Variants in COL11A1 observed in about 807,000 individuals in gnomAD.
COL11A1 encodes collagen alpha-1(XI) chain.
COL11A1 carries 74 observed loss-of-function variants against 265.2 expected under a neutral mutation model. The ratio of observed to expected loss-of-function variants is 0.28; its 90% CI spans 0.23 to 0.34. The LOEUF (loss-of-function observed/expected upper bound fraction) is 0.34, where lower values mean the gene tolerates loss of function less well. COL11A1 is among the 10% of genes least tolerant of loss of function. The probability of loss-of-function intolerance (pLI) is 1.00; values close to 1 mark genes in which losing one functional copy is unlikely to be tolerated. For missense variants in COL11A1, 2,165 were observed against 2,263.6 expected (o/e 0.96, Z 0.88); for synonymous variants, 816 against 727.6 (o/e 1.12, Z -1.96).
intron 1 of COL11A1, among the ~76,000 whole-genome samples, chr1:103,092,643 G>A (rs2102375880): frequency 6.6e-6 from 1 of 152,226 alleles, no homozygotes; most frequent in African/African-American, 2.4e-5. Flanking sequence ...GAACCCAAAT[G>A]TGGCAAGTAT....
intron 4 of COL11A1, among the ~76,000 whole-genome samples, chr1:103,056,267 T>A (rs1670239312): frequency 6.6e-6 from 1 of 152,120 alleles, no homozygotes; most frequent in Non-Finnish European, 1.5e-5. Flanking sequence ...AATTTTTGTA[T>A]GAACCATAAA....
At chr1:102,996,787 A>C (rs1285596876) in intron 26 of COL11A1, among the ~76,000 whole-genome samples, 3 of 151,940 alleles carry the variant, frequency 2.0e-5, no homozygotes, top group South Asian at 2.1e-4. Flanking sequence ...GCAGTTCAGT[A>C]ATATTGAGTA....
At chr1:103,060,338 G>A (rs1195236086) in intron 4 of COL11A1, among the ~76,000 whole-genome samples, 1 of 152,034 alleles carries the variant, frequency 6.6e-6, no homozygotes, top group African/African-American at 2.4e-5. Context: ...GGCCTGCCTT[G>A]CAAGCAATGT....
intron 53 of COL11A1, among the ~76,000 whole-genome samples, chr1:102,913,170 A>G (rs1189506674): frequency 6.6e-6 from 1 of 152,124 alleles, no homozygotes; most frequent in Non-Finnish European, 1.5e-5. Context: ...CTCCCTAAAT[A>G]ACTAAATGTG....
intron 46 of COL11A1, among the ~76,000 whole-genome samples, chr1:102,934,183 A>G (rs1348226918): frequency 6.6e-6 from 1 of 152,214 alleles, no homozygotes; most frequent in African/African-American, 2.4e-5. Context: ...GGAGTGAAGA[A>G]AGGAAGTGTA....
intron 4 of COL11A1, among the ~76,000 whole-genome samples, chr1:103,066,885 T>G (rs1313253093): frequency 6.6e-6 from 1 of 151,174 alleles, no homozygotes; most frequent in East Asian, 1.9e-4. Flanking sequence ...AGAAAAGGAG[T>G]GGCCATTCTA....
intron 46 of COL11A1, among the ~76,000 whole-genome samples, chr1:102,927,233 T>C (rs1656697570): frequency 6.6e-6 from 1 of 152,178 alleles, no homozygotes; most frequent in African/African-American, 2.4e-5. Flanking sequence ...GATGACTTAA[T>C]TTACCATTTC....
intron 4 of COL11A1, among the ~76,000 whole-genome samples, chr1:103,069,822 A>G (rs1436824481): frequency 6.6e-6 from 1 of 151,872 alleles, no homozygotes; most frequent in African/African-American, 2.4e-5. Flanking sequence ...TCATCAGTCA[A>G]GGGAGAAGCG....
At chr1:102,940,514 G>C (rs1347870887) in intron 42 of COL11A1, 80 bp from the exon 43 acceptor site, 2 of 1,008,964 alleles carry the variant, frequency 2.0e-6, no homozygotes, top group African/African-American at 1.6e-5. Context: ...TTCTATATTT[G>C]ACAAGGATAT....
At position 102,998,564 on chromosome 1, in the gene COL11A1, G is replaced by C. The variant is rs371675524; in HGVS notation, c.2143-201C>G. On this transcript the variant is annotated intron_variant, in intron 24 of 66. Transcript: ENST00000370096. ...TAAAACTAAATTTAACATGTCAAAG[G>C]TATGCTAGGTTTTAGCCTGCTTATA... is the stretch of plus-strand genomic sequence containing the variant. 2.6e-5 allele frequency among the ~76,000 whole-genome samples: 4 copies of C among 151,900 alleles called. No homozygotes were observed. In the East Asian group the frequency reaches 7.7e-4, roughly 29 times the overall value.
At chr1:102,888,541 A>G (rs772483529) in intron 62 of COL11A1, 36 bp downstream of exon 62, 1 of 1,587,970 alleles carries the variant, frequency 6.3e-7, no homozygotes, top group Non-Finnish European at 8.6e-7. Flanking sequence ...CCAGATGCAA[A>G]CTGTCAGAAC....
At chr1:102,976,288 G>GTTTT (rs1557893410) in intron 35 of COL11A1, among the ~76,000 whole-genome samples, 9 of 45,272 alleles carry the variant, frequency 2.0e-4, no homozygotes, top group East Asian at 4.0e-3. Flanking sequence ...GAAAACGTTG[G>GTTTT]CTTTTTTTTT....
chr1:103,105,707 A>G (rs1402564265), intron 1 of COL11A1, among the ~76,000 whole-genome samples: 1 of 152,206 alleles, frequency 6.6e-6, no homozygotes, highest in Non-Finnish European at 1.5e-5. Context: ...TACTTCAACC[A>G]CAAATCTAAA....
Position 102,877,827 on chromosome 1 carries a change from T to C in COL11A1, c.*192A>G. On this transcript the variant is annotated 3_prime_UTR_variant, in exon 67 of 67. Transcript: ENST00000370096. ...TTTCCATCTTAGCCACACCAACTTA[T>C]ATCTTTATGATTTTCAAAGCTTTTG... is the stretch of plus-strand genomic sequence containing the variant. The C allele has an allele frequency of 5.3e-6, 3 of 563,498 alleles. No homozygotes were observed. Among genetic ancestry groups the C allele is most frequent in the Admixed American group, 3.0e-5 (1 of 33,164 alleles). The allele number at this position is 563,498 out of a possible 1,614,324, so 34.9% of individuals were successfully genotyped here.
At chr1:103,027,577 G>A (rs924210541) in intron 5 of COL11A1, among the ~76,000 whole-genome samples, 1 of 151,302 alleles carries the variant, frequency 6.6e-6, no homozygotes, top group African/African-American at 2.4e-5. Flanking sequence ...TATTTGATAC[G>A]ATTCCAATTA....
intron 44 of COL11A1, among the ~76,000 whole-genome samples, chr1:102,938,460 G>A (rs1478310634): frequency 6.6e-6 from 1 of 152,118 alleles, no homozygotes; most frequent in Non-Finnish European, 1.5e-5. Context: ...GTAAGGAAGT[G>A]CTGAAGCATG....
intron 1 of COL11A1, among the ~76,000 whole-genome samples, chr1:103,095,714 T>C (rs1440527879): frequency 6.6e-6 from 1 of 152,160 alleles, no homozygotes; most frequent in East Asian, 1.9e-4. Context: ...CATTGGATAT[T>C]TTCTCATGTA....
At chr1:103,004,853 C>A (rs959809841) in intron 18 of COL11A1, among the ~76,000 whole-genome samples, 192 bp from the exon 19 acceptor site, 2 of 151,736 alleles carry the variant, frequency 1.3e-5, no homozygotes, top group African/African-American at 4.8e-5. Flanking sequence ...TGTTAGTATG[C>A]TAATAATATT....
At chr1:102,902,724 C>T (rs114397404) in intron 54 of COL11A1, among the ~76,000 whole-genome samples, 4,797 of 151,442 alleles carry the variant, frequency 0.032, 105 homozygotes, top group Middle Eastern at 0.086. Flanking sequence ...TACTTTCTAT[C>T]TATACATTTA....
Sources: gnomAD v4.1 joint callset for allele counts (sites outside exome capture counted in the v4.1 genomes callset) on GRCh38, gnomAD v4.1.1 for gene constraint, MANE v1.5 for transcripts, NCBI Gene and HGNC (gene_info 2026-07-23, HGNC 2026-07-21) for gene names.